DNM3: variants seen among roughly 807,000 people sequenced by gnomAD.
DNM3 encodes the protein dynamin 3, also known as dynamin-3.
A neutral mutation model predicts 101.6 loss-of-function variants in DNM3; 47 were observed. That is an observed-to-expected ratio of 0.46 (90% CI 0.37 to 0.59). DNM3 has a LOEUF of 0.59. Ranked by LOEUF, DNM3 falls within the 20% of genes least tolerant of loss-of-function variation. The pLI is 0.00. For synonymous variants in DNM3, 385 were observed against 387.9 expected (o/e 0.99, Z 0.09); for missense variants, 849 against 1,085.7 (o/e 0.78, Z 3.06).
chr1:172,170,912 A>G (rs556048701), intron 14 of DNM3, among the ~76,000 whole-genome samples: 1 of 151,886 alleles, frequency 6.6e-6, no homozygotes, highest in Non-Finnish European at 1.5e-5. Flanking sequence ...ACTAAACTAA[A>G]AAATAGAGGG....
At chr1:171,983,039 G>T (rs2044929927) in intron 2 of DNM3, among the ~76,000 whole-genome samples, 1 of 152,034 alleles carries the variant, frequency 6.6e-6, no homozygotes, top group Non-Finnish European at 1.5e-5. Flanking sequence ...TATCCTGGGT[G>T]TTACCATTTC....
intron 18 of DNM3, among the ~76,000 whole-genome samples, chr1:172,381,247 G>A (rs2068886747): frequency 6.6e-6 from 1 of 151,950 alleles, no homozygotes; most frequent in Non-Finnish European, 1.5e-5. Context: ...TCACATAAGA[G>A]TCGTGAGAAA....
At chr1:172,158,281 G>A (rs1250150492) in intron 14 of DNM3, among the ~76,000 whole-genome samples, 3 of 151,994 alleles carry the variant, frequency 2.0e-5, no homozygotes, top group Non-Finnish European at 2.9e-5. Flanking sequence ...GTTGATAACT[G>A]GGACCTGCTT....
intron 11 of DNM3, among the ~76,000 whole-genome samples, chr1:172,072,358 C>T (rs2052266727): frequency 6.6e-6 from 1 of 152,068 alleles, no homozygotes; most frequent in South Asian, 2.1e-4. Flanking sequence ...CCTAATAGCC[C>T]CCATGCCTTG....
At chr1:172,056,831 A>G (rs1238369635) in intron 10 of DNM3, among the ~76,000 whole-genome samples, 1 of 152,254 alleles carries the variant, frequency 6.6e-6, no homozygotes, top group Non-Finnish European at 1.5e-5. Context: ...GCAAAGGAAC[A>G]AAGCTGGACG....
intron 20 of DNM3, among the ~76,000 whole-genome samples, chr1:172,401,525 C>A (rs78763482): frequency 7.2e-5 from 11 of 152,296 alleles, no homozygotes; most frequent in South Asian, 4.1e-4. Flanking sequence ...GTTCTGATTT[C>A]AAATTCCATG....
chr1:171,897,308 G>C (rs895823999), intron 1 of DNM3, among the ~76,000 whole-genome samples: 1 of 152,154 alleles, frequency 6.6e-6, no homozygotes, highest in African/African-American at 2.4e-5. Flanking sequence ...CACTAGGTTG[G>C]ATTTGTTTTG....
Position 172,057,489 on chromosome 1 carries a change from G to A in DNM3, c.1335+8739G>A, listed in dbSNP as rs536728136. Among the ~76,000 whole-genome samples, 577 of 152,286 alleles carry A rather than the reference G, an allele frequency of 3.8e-3. 7 individuals are homozygous for A. The highest frequency in any genetic ancestry group is 0.013 in the African/African-American group (545 of 41,540). On this transcript the variant is annotated intron_variant, in intron 10 of 20. Coordinates refer to ENST00000627582, the MANE Select transcript of DNM3 (RefSeq NM_015569.5). ...AAGGGAAGCCCATCAGACTAACAGC[G>A]GATCTCTCAGCAGAAACTCTACAAG...
intron 14 of DNM3, among the ~76,000 whole-genome samples, chr1:172,226,405 C>T (rs760994110): frequency 7.2e-5 from 11 of 152,146 alleles, no homozygotes; most frequent in Non-Finnish European, 1.5e-4. Flanking sequence ...TATTTTTAAA[C>T]CAAATAATGG....
chr1:171,959,766 G>A (rs987510642), intron 2 of DNM3, among the ~76,000 whole-genome samples: 3 of 152,202 alleles, frequency 2.0e-5, no homozygotes, highest in Non-Finnish European at 4.4e-5. Flanking sequence ...TATGAAGGGA[G>A]GGGTGATTAT....
rs567441240 is a variant in DNM3, at chr1:172,056,255, G to C, written c.1335+7505G>C. 4.5e-4 allele frequency among the ~76,000 whole-genome samples: 69 copies of C among 152,298 alleles called. 1 individual carries two copies. Among genetic ancestry groups the C allele is most frequent in the Middle Eastern group, 3.4e-3 (1 of 294 alleles). On this transcript the variant is annotated intron_variant, in intron 10 of 20. Transcript: ENST00000627582. ...TGAGATCAAACTGCAAGGTGGCAGC[G>C]AGGCTGGGGGAGGGGCACCCGACAT...
At chr1:171,894,746 C>A (rs1181237985) in intron 1 of DNM3, among the ~76,000 whole-genome samples, 3 of 152,132 alleles carry the variant, frequency 2.0e-5, no homozygotes, top group African/African-American at 7.2e-5. Context: ...GCCCCCGACT[C>A]CCCCAGCAGG....
chr1:172,014,145 T>C (rs1337684958), intron 4 of DNM3, among the ~76,000 whole-genome samples: 1 of 151,754 alleles, frequency 6.6e-6, no homozygotes, highest in African/African-American at 2.4e-5. Flanking sequence ...ATCAATCGAG[T>C]GGATAAAGAA....
intron 15 of DNM3, among the ~76,000 whole-genome samples, chr1:172,253,885 C>T (rs1226149775): frequency 6.6e-6 from 1 of 152,084 alleles, no homozygotes; most frequent in Non-Finnish European, 1.5e-5. Context: ...AAAAGATCTT[C>T]AAGTGTTAAC....
chr1:171,983,305 A>G (rs2044961732), intron 2 of DNM3, among the ~76,000 whole-genome samples: 1 of 151,076 alleles, frequency 6.6e-6, no homozygotes, highest in Non-Finnish European at 1.5e-5. Flanking sequence ...AAATAAATAA[A>G]AATTAGCCAG....
At chr1:171,921,845 C>T (rs1000666520) in intron 2 of DNM3, 24 bp downstream of exon 2, 3 of 1,574,408 alleles carry the variant, frequency 1.9e-6, no homozygotes, top group African/African-American at 2.7e-5. Context: ...ATGTTTACCG[C>T]ATGGATGGGC....
chr1:172,024,860 A>C (rs577600149), intron 4 of DNM3, among the ~76,000 whole-genome samples: 2 of 152,206 alleles, frequency 1.3e-5, no homozygotes, highest in East Asian at 1.9e-4. Context: ...GGTTTCAAGC[A>C]CAAAACTGGG....
chr1:172,257,507 A>T (rs1226878293), intron 15 of DNM3, among the ~76,000 whole-genome samples: 1 of 152,086 alleles, frequency 6.6e-6, no homozygotes, highest in Non-Finnish European at 1.5e-5. Context: ...CATTCCTAAT[A>T]ATGCACTTTG....
At chr1:172,196,813 T>A (rs531119291) in intron 14 of DNM3, among the ~76,000 whole-genome samples, 1 of 152,290 alleles carries the variant, frequency 6.6e-6, no homozygotes, top group East Asian at 1.9e-4. Flanking sequence ...ATTAGACCTT[T>A]GTCAGATGCA....
Sources: gnomAD v4.1 joint callset for allele counts (sites outside exome capture counted in the v4.1 genomes callset) on GRCh38, gnomAD v4.1.1 for gene constraint, MANE v1.5 for transcripts, NCBI Gene and HGNC (gene_info 2026-07-23, HGNC 2026-07-21) for gene names.